NPC2: variants seen among roughly 807,000 people sequenced by gnomAD.
NPC2 encodes NPC intracellular cholesterol transporter 2, also known as Niemann-Pick disease type C2 protein.
In NPC2, 14 loss-of-function variants were observed where a neutral mutation model predicts 17.0. The observed-to-expected ratio is 0.82, with a 90% CI of 0.54 to 1.29. The LOEUF (loss-of-function observed/expected upper bound fraction) is 1.29. Ranked by LOEUF, NPC2 falls within the 50% of genes most tolerant of loss-of-function variation. The pLI is 0.00. For synonymous variants in NPC2, 75 were observed against 69.3 expected (o/e 1.08, Z -0.41); for missense variants, 167 against 183.4 (o/e 0.91, Z 0.52).
chr14:74,491,850 T>G (rs1011932187), intron 1 of NPC2, among the ~76,000 whole-genome samples: 1 of 152,156 alleles, frequency 6.6e-6, no homozygotes, highest in Admixed American at 6.5e-5. Flanking sequence ...AAATGGATAA[T>G]AGCCCTTTCC....
At chr14:74,493,373 C>A (rs542953407), upstream of NPC2, 67 of 1,551,460 alleles carry the variant, frequency 4.3e-5, no homozygotes, top group South Asian at 7.5e-4. This position sits in a 1 kb window ranked among gnomAD's most constrained non-coding sequence, Gnocchi z 4.1. Flanking sequence ...CCCAGTCAGG[C>A]GACCTGTCAC....
rs1293797925 is a variant in NPC2, at chr14:74,493,196, A to C, written c.79T>G (p.Cys27Gly). 1.2e-6 allele frequency: 2 copies of C among 1,609,574 alleles called. No individual in the cohort carries two copies. Among genetic ancestry groups the C allele is most frequent in the South Asian group, 2.2e-5 (2 of 89,958 alleles). ...CTTGGGCGGGCCTGGGGCTCACCGC[A>C]GTCCTTGAACTGCACCGGTTCGGCC... The part of the protein sequence containing the change: ...AQAEPVQFKD[C>G]GSVDGVIKEV... The change falls in exon 1 of 5, where the codon TGC becomes GGC. Residue 27 changes from cysteine (C) to glycine (G), a missense_variant. Cys to Gly is a radical substitution (Grantham distance 159). Coordinates refer to ENST00000555619, the MANE Select transcript of NPC2 (RefSeq NM_006432.5). The surrounding 1 kb of genome is among the most constrained non-coding windows in gnomAD (Gnocchi z 4.1).
intron 1 of NPC2, among the ~76,000 whole-genome samples, chr14:74,488,018 G>A (rs1205229279): frequency 6.6e-6 from 1 of 152,170 alleles, no homozygotes; most frequent in African/African-American, 2.4e-5. Flanking sequence ...ACCGGAACCT[G>A]AAAGAAGCTT....
At chr14:74,482,708 T>C (rs2086667258) in intron 3 of NPC2, among the ~76,000 whole-genome samples, 1 of 152,180 alleles carries the variant, frequency 6.6e-6, no homozygotes, top group African/African-American at 2.4e-5. Context: ...CTCCACTGCT[T>C]CTTAGTGGAG....
intron 2 of NPC2, 90 bp from the exon 3 acceptor site, chr14:74,484,677 C>T: frequency 3.3e-6 from 4 of 1,218,534 alleles, no homozygotes; most frequent in Non-Finnish European, 4.5e-6. Flanking sequence ...CAAGCAACAG[C>T]ATTCCTAGGG....
upstream of NPC2, chr14:74,493,392 A>G (rs1595229309): frequency 1.3e-6 from 2 of 1,545,534 alleles, no homozygotes; most frequent in Admixed American, 2.0e-5. The surrounding 1 kb of genome is among the most constrained non-coding windows in gnomAD (Gnocchi z 4.1). Context: ...ACCAGTAACC[A>G]CAGCTGAGGC....
At chr14:74,487,228 C>T (rs557955441) in intron 1 of NPC2, among the ~76,000 whole-genome samples, 9 of 149,794 alleles carry the variant, frequency 6.0e-5, no homozygotes, top group South Asian at 2.1e-4. Context: ...GGATTACAGG[C>T]GTGAGTCATT....
At chr14:74,491,200 G>C (rs930854804) in intron 1 of NPC2, among the ~76,000 whole-genome samples, 1 of 152,158 alleles carries the variant, frequency 6.6e-6, no homozygotes. Context: ...AGCCTCCCGA[G>C]TAGCTGGGAC....
chr14:74,488,276 G>T (rs1047384417), intron 1 of NPC2, among the ~76,000 whole-genome samples: 2 of 152,156 alleles, frequency 1.3e-5, no homozygotes, highest in Non-Finnish European at 1.5e-5. Flanking sequence ...CAAACTGCTG[G>T]TAAATCCTTT....
intron 2 of NPC2, among the ~76,000 whole-genome samples, chr14:74,485,449 AT>A (rs1481958275): frequency 1.3e-5 from 2 of 151,868 alleles, no homozygotes; most frequent in Non-Finnish European, 2.9e-5. Context: ...TTATTAGGGT[AT>A]TTTGGAGACC....
chr14:74,480,133 C>A lies in NPC2; in HGVS notation c.*141G>T. 1.3e-6 allele frequency: 2 copies of A among 1,580,414 alleles called. No individual in the cohort carries two copies. The highest frequency in any genetic ancestry group is 1.7e-6 in the Non-Finnish European group (2 of 1,165,660). On this transcript the variant is annotated 3_prime_UTR_variant, in exon 5 of 5. Transcript: ENST00000555619. ...GAACCAGCCACCCGGAGCTCAGTTTCTGCTACAGAGCACCTCCTCTTCAAC... is the reference window on the plus strand; with the variant it reads ...GAACCAGCCACCCGGAGCTCAGTTTATGCTACAGAGCACCTCCTCTTCAAC...
In NPC2 at chr14:74,484,442, T is replaced by G; in HGVS notation, c.336A>C (p.Lys112Asn). ...QKDKTYSYLN[K>N]LPVKSEYPSI... The stretch of plus-strand genomic sequence containing the variant: ...AGGGATATTCGCTTTTCACTGGTAG[T>G]TTATTCAGGTAGCTATAGGTCTTGT... The change falls in exon 3 of 5, where the codon AAA (lysine) becomes AAC (asparagine). Residue 112 changes from lysine to asparagine, a missense_variant. Coordinates refer to ENST00000555619, the MANE Select transcript of NPC2 (RefSeq NM_006432.5). 1 of 1,614,104 alleles carries G rather than the reference T, an allele frequency of 6.2e-7. No individual in the cohort carries two copies. The highest frequency in any genetic ancestry group is 8.5e-7 in the Non-Finnish European group (1 of 1,180,024).
intron 1 of NPC2, among the ~76,000 whole-genome samples, chr14:74,492,614 A>G (rs1005914692): frequency 1.3e-5 from 2 of 152,218 alleles, no homozygotes; most frequent in African/African-American, 4.8e-5. Flanking sequence ...AAAGATTCCA[A>G]CCACAGCGGC....
chr14:74,480,150 CTCT>C lies in NPC2; in HGVS notation c.*121_*123del, dbSNP rs1389721282. 6.2e-7 allele frequency: 1 copy of C among 1,600,854 alleles called. No individual in the cohort carries two copies. The highest frequency in any genetic ancestry group is 1.1e-5 in the South Asian group (1 of 89,316). On this transcript the variant is annotated 3_prime_UTR_variant, in exon 5 of 5. Transcript: ENST00000555619. ...CTCAGTTTCTGCTACAGAGCACCTC[CTCT>C]TCAACGAATCACTGGATACCATTGG... is the stretch of plus-strand genomic sequence containing the variant.
chr14:74,487,562 T>C (rs1318899162), intron 1 of NPC2, among the ~76,000 whole-genome samples: 1 of 152,174 alleles, frequency 6.6e-6, no homozygotes, highest in Non-Finnish European at 1.5e-5. Context: ...CCACCGCACC[T>C]GGCCAAAAAC....
At chr14:74,489,508 C>T (rs962714356) in intron 1 of NPC2, among the ~76,000 whole-genome samples, 2 of 151,304 alleles carry the variant, frequency 1.3e-5, no homozygotes, top group African/African-American at 2.4e-5. Flanking sequence ...GATGTATACT[C>T]GATTTTGGGA....
intron 4 of NPC2, 148 bp from the exon 5 acceptor site, chr14:74,480,436 A>G (rs1323892154): frequency 8.7e-6 from 7 of 803,422 alleles, no homozygotes; most frequent in South Asian, 1.4e-5. Flanking sequence ...CCGACAGAAA[A>G]AAACCAATGA....
Position 74,480,048 on chromosome 14 carries a change from C to A in NPC2, c.*226G>T. On this transcript the variant is annotated 3_prime_UTR_variant, in exon 5 of 5. Transcript: ENST00000555619. Reference sequence around the variant, plus strand: ...AAAAAAAAATTAAACATCTGCTAACCAAGTGCTGCATTTAATGAAACCACC... The same window carrying A: ...AAAAAAAAATTAAACATCTGCTAACAAAGTGCTGCATTTAATGAAACCACC... The A allele has an allele frequency of 6.7e-7, 1 of 1,499,984 alleles. No homozygotes were observed. The highest frequency in any genetic ancestry group is 1.3e-5 in the South Asian group (1 of 78,596). The allele number at this position is 1,499,984 out of a possible 1,614,324, so 92.9% of individuals were successfully genotyped here. A position where few individuals can be genotyped will look rare whatever the true frequency, so the allele number is the denominator to read the frequency against.
chr14:74,483,254 T>C, intron 3 of NPC2: 1 of 1,021,862 alleles, frequency 9.8e-7, no homozygotes, highest in Non-Finnish European at 1.5e-6. Context: ...GGAACAGATT[T>C]TACTGGTTAA....
Sources: gnomAD v4.1 joint callset for allele counts (sites outside exome capture counted in the v4.1 genomes callset) on GRCh38, gnomAD v4.1.1 for gene constraint, Gnocchi (gnomAD v3.1) non-coding constraint, MANE v1.5 for transcripts, NCBI Gene and HGNC (gene_info 2026-07-23, HGNC 2026-07-21) for gene names.